Variants in OSBPL9 observed in about 807,000 individuals in gnomAD.
OSBPL9 encodes the protein oxysterol binding protein like 9.
OSBPL9 carries 40 observed loss-of-function variants against 106.6 expected under a neutral mutation model. That is an observed-to-expected ratio of 0.38 (90% CI 0.29 to 0.49). OSBPL9 has a LOEUF of 0.49. Among genes scored for constraint, OSBPL9 ranks in the 20% least tolerant of loss-of-function variants. OSBPL9 has a pLI of 0.97. For synonymous variants in OSBPL9, 269 were observed against 295.4 expected, an observed-to-expected ratio of 0.91 and a Z score of 0.92; for missense variants, 609 against 887.2, an observed-to-expected ratio of 0.69 and a Z score of 3.98.
At chr1:51,752,816 AG>A (rs1557805399) in intron 8 of OSBPL9, 1 of 263,908 alleles carries the variant, frequency 3.8e-6, no homozygotes, top group Non-Finnish European at 7.8e-6. Flanking sequence ...TTATTGAATC[AG>A]GGCCCCACCC....
the OSBPL9 span, among the ~76,000 whole-genome samples, chr1:51,557,565 A>G: frequency 2.0e-5 from 3 of 152,218 alleles, no homozygotes; most frequent in Non-Finnish European, 4.4e-5. Context: ...TCTCTGTAAA[A>G]GAACTGTGAA....
In OSBPL9 at chr1:51,786,277, T is replaced by G. The variant is rs1328266415; in HGVS notation, c.1909-249T>G. On this transcript the variant is annotated intron_variant, in intron 21 of 23. Coordinates refer to ENST00000428468, the MANE Select transcript of OSBPL9 (RefSeq NM_024586.6). Reference sequence around the variant, plus strand: ...GTTGAAGATTTTGTATAATAAAATTTACTGACTGCCTGGCACCAGAGATAC... The same window carrying G: ...GTTGAAGATTTTGTATAATAAAATTGACTGACTGCCTGGCACCAGAGATAC... 2.6e-5 allele frequency: 12 copies of G among 459,146 alleles called. No homozygotes were observed. The Admixed American group carries it at 4.0e-4, about 15-fold the overall frequency. The allele number at this position is 459,146 out of a possible 1,614,324, so 28.4% of individuals were successfully genotyped here. A position where few individuals can be genotyped will look rare whatever the true frequency, so the allele number is the denominator to read the frequency against.
chr1:51,725,201 T>C (rs927314913), intron 4 of OSBPL9, among the ~76,000 whole-genome samples: 1 of 152,100 alleles, frequency 6.6e-6, no homozygotes, highest in Non-Finnish European at 1.5e-5. Flanking sequence ...TCCTCAGCTT[T>C]GTCTAGTTTA....
intron 3 of OSBPL9, among the ~76,000 whole-genome samples, chr1:51,699,742 G>T (rs1399831165): frequency 1.3e-5 from 2 of 152,148 alleles, no homozygotes; most frequent in African/African-American, 4.8e-5. Context: ...GCTAGGTGTA[G>T]TTACTGCTTA....
At chr1:51,520,562 C>T in the OSBPL9 span, among the ~76,000 whole-genome samples, 1 of 152,208 alleles carries the variant, frequency 6.6e-6, no homozygotes, top group East Asian at 1.9e-4. Context: ...ACCACAGAGG[C>T]CTCAATAAAT....
At chr1:51,710,150 G>A (rs1418337899) in intron 3 of OSBPL9, among the ~76,000 whole-genome samples, 1 of 152,156 alleles carries the variant, frequency 6.6e-6, no homozygotes, top group Non-Finnish European at 1.5e-5. Context: ...TTGATTACTG[G>A]GGGTGGGAAA....
At chr1:51,540,823 G>T in the OSBPL9 span, among the ~76,000 whole-genome samples, 1 of 151,578 alleles carries the variant, frequency 6.6e-6, no homozygotes, top group African/African-American at 2.4e-5. Context: ...GCCAGGTGGG[G>T]TGGTGGGCGT....
chr1:51,677,661 C>T (rs974773055), intron 3 of OSBPL9, among the ~76,000 whole-genome samples: 1 of 152,118 alleles, frequency 6.6e-6, no homozygotes, highest in Non-Finnish European at 1.5e-5. Context: ...AAGCAGTTCC[C>T]TGCCTCAGCC....
intron 3 of OSBPL9, among the ~76,000 whole-genome samples, chr1:51,686,314 A>G (rs1653791651): frequency 6.6e-6 from 1 of 152,180 alleles, no homozygotes; most frequent in African/African-American, 2.4e-5. Flanking sequence ...CATGTCACAC[A>G]TGTAGGAAGT....
At chr1:51,603,721 G>A (rs748118543) in intron 2 of OSBPL9, among the ~76,000 whole-genome samples, 5 of 152,140 alleles carry the variant, frequency 3.3e-5, no homozygotes, top group African/African-American at 9.7e-5. Context: ...CATTTCAGCC[G>A]GGGTCTTCTG....
intron 2 of OSBPL9, among the ~76,000 whole-genome samples, chr1:51,659,661 C>T (rs1178807662): frequency 1.3e-5 from 2 of 150,648 alleles, no homozygotes; most frequent in Non-Finnish European, 3.0e-5. Flanking sequence ...AACGAAGGCA[C>T]AAATAAATAA....
chr1:51,781,953 T>C (rs1676483868), intron 16 of OSBPL9, among the ~76,000 whole-genome samples: 1 of 151,536 alleles, frequency 6.6e-6, no homozygotes, highest in Admixed American at 6.6e-5. Flanking sequence ...TAGGGAGAGG[T>C]CTGAGATGGG....
intron 4 of OSBPL9, among the ~76,000 whole-genome samples, chr1:51,720,792 A>ATTTTT (rs34137715): frequency 7.9e-5 from 8 of 101,120 alleles, no homozygotes; most frequent in African/African-American, 1.6e-4. Flanking sequence ...TCAAATTGGA[A>ATTTTT]TTTTTTTTTT....
intron 3 of OSBPL9, among the ~76,000 whole-genome samples, chr1:51,692,882 G>T (rs773167953): frequency 1.4e-4 from 22 of 151,786 alleles, no homozygotes; most frequent in Non-Finnish European, 2.4e-4. Context: ...ATGTTAGAAG[G>T]GATAAGTACA....
At position 51,788,455 on chromosome 1, in the gene OSBPL9, C is replaced by A. The variant is rs1045553638; in HGVS notation, c.*666C>A. The A allele has an allele frequency of 6.6e-6, 1 of 152,598 alleles. No individual in the cohort carries two copies. Among genetic ancestry groups the A allele is most frequent in the Admixed American group, 6.5e-5 (1 of 15,272 alleles). 9.5% of individuals were successfully genotyped at this position (152,598 alleles called of 1,614,324 possible). A position where few individuals can be genotyped will look rare whatever the true frequency, so the allele number is the denominator to read the frequency against. ...AGGCTTCATAAAGTAATTTTTCCAA[C>A]CTTTTTTTTAAAAATGTGCATCTTT... On this transcript the variant is annotated 3_prime_UTR_variant, in exon 24 of 24. Transcript: ENST00000428468.
intron 1 of OSBPL9, among the ~76,000 whole-genome samples, chr1:51,618,661 G>C (rs1644236420): frequency 6.6e-6 from 1 of 152,218 alleles, no homozygotes. Context: ...GACATTCACT[G>C]TTCCTCTTCT....
At chr1:51,772,382 G>C (rs1381812845) in intron 13 of OSBPL9, among the ~76,000 whole-genome samples, 200 bp downstream of exon 13, 1 of 152,158 alleles carries the variant, frequency 6.6e-6, no homozygotes, top group Non-Finnish European at 1.5e-5. Flanking sequence ...GGGCATGGTG[G>C]TGCGTGCCTG....
chr1:51,717,844 C>T (rs1661345351), intron 4 of OSBPL9, among the ~76,000 whole-genome samples: 1 of 152,000 alleles, frequency 6.6e-6, no homozygotes, highest in African/African-American at 2.4e-5. Context: ...TATAATCCAG[C>T]AATCCCACTG....
the OSBPL9 span, among the ~76,000 whole-genome samples, chr1:51,553,504 A>T: frequency 2.0e-5 from 3 of 151,888 alleles, no homozygotes; most frequent in Non-Finnish European, 2.9e-5. Context: ...AAGAAGCAAG[A>T]CCCTGTCTCA....
Sources: allele counts gnomAD v4.1 joint callset (sites outside exome capture counted in the v4.1 genomes callset), GRCh38; gene constraint gnomAD v4.1.1; transcripts MANE v1.5; gene names NCBI Gene and HGNC (gene_info 2026-07-23, HGNC 2026-07-21).